The following KIF15 variants were observed in gnomAD, a reference collection of about 807,000 sequenced individuals.
KIF15 encodes the protein kinesin family member 15.
In KIF15, 140 loss-of-function variants were observed where a neutral mutation model predicts 190.6. The ratio of observed to expected loss-of-function variants is 0.73; its 90% CI spans 0.64 to 0.84. The LOEUF (loss-of-function observed/expected upper bound fraction) is 0.84, where lower values mean the gene tolerates loss of function less well. Ranked by LOEUF, KIF15 falls within the 40% of genes least tolerant of loss-of-function variation. KIF15 has a pLI of 0.00. For synonymous variants in KIF15, 528 were observed against 551.3 expected (o/e 0.96, Z 0.59); for missense variants, 1,372 against 1,584.4 (o/e 0.87, Z 2.28).
At chr3:44,819,110 T>G (rs1046334048) in intron 20 of KIF15, among the ~76,000 whole-genome samples, 2 of 151,978 alleles carry the variant, frequency 1.3e-5, no homozygotes, top group Non-Finnish European at 2.9e-5. Context: ...CATTTTTTAT[T>G]GCATCTATTT....
intron 6 of KIF15, chr3:44,862,069 T>G: frequency 8.2e-7 from 1 of 1,223,530 alleles, no homozygotes; most frequent in Non-Finnish European, 1.0e-6. Flanking sequence ...CGCCGGCGCG[T>G]TCGGGGCCCT....
chr3:44,806,134 G>A, intron 16 of KIF15, 148 bp downstream of exon 16: 1 of 820,024 alleles, frequency 1.2e-6, no homozygotes, highest in Non-Finnish European at 1.8e-6. Flanking sequence ...TTGGGTTACT[G>A]CTAGCAATCC....
chr3:44,840,271 G>T, intron 27 of KIF15, 84 bp from the exon 28 acceptor site: 1 of 726,064 alleles, frequency 1.4e-6, no homozygotes, highest in Non-Finnish European at 2.3e-6. Context: ...CCTGATGATT[G>T]GTGATGGGAA....
At chr3:44,829,632 A>ATATGTATATATTATATATGTATATAT in intron 24 of KIF15, among the ~76,000 whole-genome samples, 1 of 131,910 alleles carries the variant, frequency 7.6e-6, no homozygotes, top group Non-Finnish European at 1.5e-5. Flanking sequence ...TATACATTAT[A>ATATGTATATATTATATATGTATATAT]TATGTATATA....
intron 1 of KIF15, among the ~76,000 whole-genome samples, chr3:44,762,567 AT>A (rs1306927920): frequency 6.6e-6 from 1 of 152,144 alleles, no homozygotes; most frequent in Non-Finnish European, 1.5e-5. Context: ...AAGGAGTCTT[AT>A]TTTTGTAAAC....
At chr3:44,769,955 A>G (rs1705572727) in intron 1 of KIF15, among the ~76,000 whole-genome samples, 1 of 152,138 alleles carries the variant, frequency 6.6e-6, no homozygotes, top group South Asian at 2.1e-4. Flanking sequence ...CAGGCACTGT[A>G]TTTATTCCCA....
intron 16 of KIF15, among the ~76,000 whole-genome samples, chr3:44,808,024 C>T (rs1040694655): frequency 6.6e-6 from 1 of 152,080 alleles, no homozygotes; most frequent in Non-Finnish European, 1.5e-5. Flanking sequence ...CAGCCTTGAA[C>T]TCCTGGCTTC....
At chr3:44,823,112 T>G (rs1228047973) in intron 20 of KIF15, among the ~76,000 whole-genome samples, 1 of 152,216 alleles carries the variant, frequency 6.6e-6, no homozygotes, top group African/African-American at 2.4e-5. Context: ...TTTTCAGCTT[T>G]TCTCCTGTGG....
chr3:44,868,447 T>A (rs961297099), intron 6 of KIF15, among the ~76,000 whole-genome samples: 3 of 152,184 alleles, frequency 2.0e-5, no homozygotes, highest in Non-Finnish European at 4.4e-5. Flanking sequence ...TGTGTACACG[T>A]TTTTGTGTGA....
At chr3:44,766,813 T>C (rs1309009415) in intron 1 of KIF15, among the ~76,000 whole-genome samples, 2 of 135,468 alleles carry the variant, frequency 1.5e-5, no homozygotes, top group Non-Finnish European at 3.2e-5. Context: ...CTTTCTTTTT[T>C]TTTTTTTTTT....
In KIF15 at chr3:44,806,002, A is replaced by ACTG. The variant is rs1559550437; in HGVS notation, c.1971+16_1971+17insCTG. ...AACACTTAAGGTAGGTCATCTGAAC[A>ACTG]ATACCTCCACCTTAAATCAGTGCAA... On this transcript the variant is annotated intron_variant, in intron 16 of 34. Transcript: ENST00000326047. 6.2e-7 allele frequency: 1 copy of ACTG among 1,611,540 alleles called. No homozygotes were observed. The highest frequency in any genetic ancestry group is 1.1e-5 in the South Asian group (1 of 90,554).
intron 6 of KIF15, among the ~76,000 whole-genome samples, chr3:44,785,629 A>T (rs985211301): frequency 6.6e-6 from 1 of 152,234 alleles, no homozygotes; most frequent in African/African-American, 2.4e-5. Flanking sequence ...ATCACCTAAC[A>T]CTGAAATTAG....
intron 20 of KIF15, among the ~76,000 whole-genome samples, chr3:44,823,439 G>A (rs936728748): frequency 6.6e-6 from 1 of 152,200 alleles, no homozygotes; most frequent in East Asian, 1.9e-4. Flanking sequence ...CTACTGGGAG[G>A]TTTATCCCAG....
chr3:44,827,862 T>A (rs1697757383), intron 23 of KIF15, among the ~76,000 whole-genome samples: 1 of 152,102 alleles, frequency 6.6e-6, no homozygotes, highest in Non-Finnish European at 1.5e-5. Context: ...TTTTGTATTT[T>A]TTATAGAGAT....
intron 5 of KIF15, among the ~76,000 whole-genome samples, chr3:44,783,363 A>G (rs922241993): frequency 6.6e-6 from 1 of 152,118 alleles, no homozygotes; most frequent in Non-Finnish European, 1.5e-5. Flanking sequence ...AAAGTGAGAG[A>G]GAGAGAGAGA....
chr3:44,812,215 G>A lies in KIF15; in HGVS notation c.2203G>A (p.Glu735Lys). 2 of 1,614,022 alleles carry A rather than the reference G, an allele frequency of 1.2e-6. No homozygotes were observed. Among genetic ancestry groups the A allele is most frequent in the Non-Finnish European group, 1.7e-6 (2 of 1,179,978 alleles). The stretch of plus-strand genomic sequence containing the variant: ...GAGTGCTCTTCAAGCCAAACTGGAT[G>A]AAGAAGAGCATAAAAACCTAAAGCT... ...QMSALQAKLDEEEHKNLKLQQ... is the reference protein window; with the variant it reads ...QMSALQAKLDKEEHKNLKLQQ... Residue 735 changes from glutamate to lysine, a missense_variant, in exon 18 of 35, where the codon GAA (glutamate) becomes AAA (lysine). Physicochemically the swap from Glu to Lys is moderately conservative, Grantham distance 56 (BLOSUM62 1). Transcript: ENST00000326047.
Position 44,830,894 on chromosome 3 carries a change from A to C in KIF15, c.3049-2A>C. 6.2e-7 allele frequency: 1 copy of C among 1,610,274 alleles called. No individual in the cohort carries two copies. The highest frequency in any genetic ancestry group is 8.5e-7 in the Non-Finnish European group (1 of 1,179,064). On this transcript the variant is annotated splice_acceptor_variant, in intron 25 of 34. Coordinates refer to ENST00000326047, the MANE Select transcript of KIF15 (RefSeq NM_020242.3). LOFTEE classifies it high-confidence loss of function. The stretch of plus-strand genomic sequence containing the variant: ...CTTATAGCATGACTTTCTTTTCTAC[A>C]GTGCAAATACAACTCTGCTTTGGTT...
chr3:44,768,332 G>C lies in KIF15; in HGVS notation c.20-6063G>C, dbSNP rs1433681708. On this transcript the variant is annotated intron_variant, in intron 1 of 34. Transcript: ENST00000326047. ...CTGATGCAAGATTTTTTGCTCCTTA[G>C]CTCAGCTAAAATCCAAGTTCGTGTT... is the stretch of plus-strand genomic sequence containing the variant. Among the ~76,000 whole-genome samples the C allele has an allele frequency of 2.0e-5, 3 of 151,786 alleles. No individual in the cohort carries two copies. In the East Asian group the frequency reaches 5.8e-4, roughly 29 times the overall value.
chr3:44,844,385 T>C (rs545375381), intron 30 of KIF15, among the ~76,000 whole-genome samples: 2 of 152,306 alleles, frequency 1.3e-5, no homozygotes, highest in Admixed American at 6.5e-5. Flanking sequence ...CCTCCCTTTG[T>C]AGGTGATTCT....
Sources: allele counts gnomAD v4.1 joint callset (sites outside exome capture counted in the v4.1 genomes callset), GRCh38; gene constraint gnomAD v4.1.1; transcripts MANE v1.5; gene names NCBI Gene and HGNC (gene_info 2026-07-23, HGNC 2026-07-21).